Variants in CORO1C observed in about 807,000 individuals in gnomAD.
CORO1C encodes coronin 1C, also known as coronin-1C.
In CORO1C, 14 loss-of-function variants were observed where a neutral mutation model predicts 51.2. The observed-to-expected ratio is 0.27, with a 90% CI of 0.18 to 0.43. The LOEUF is 0.43. Ranked by LOEUF, CORO1C falls within the 20% of genes least tolerant of loss-of-function variation. The pLI, the probability that CORO1C is intolerant of heterozygous loss-of-function variation, is 1.00. For missense variants in CORO1C, 417 were observed against 607.8 expected (o/e 0.69, Z 3.30); for synonymous variants, 181 against 210.5 (o/e 0.86, Z 1.21).
In CORO1C at chr12:108,648,630, T is replaced by C. The variant is rs1161699910; in HGVS notation, c.1280A>G (p.Lys427Arg). The C allele has an allele frequency of 1.2e-6, 2 of 1,614,226 alleles. No individual in the cohort carries two copies. Among genetic ancestry groups the C allele is most frequent in the South Asian group, 1.1e-5 (1 of 91,090 alleles). ...NKKCDLISIP[K>R]KTTDTASVQN... is the part of the protein sequence containing the mutation. The stretch of plus-strand genomic sequence containing the variant: ...CACACTGGCCGTGTCTGTGGTTTTC[T>C]TGGGGATGCTGATCAGGTCGCACTT... The change falls in exon 10 of 11, where the codon AAG becomes AGG. Residue 427 changes from lysine (K) to arginine (R), a missense_variant. Transcript: ENST00000261401.
chr12:108,668,709 A>C, intron 3 of CORO1C, among the ~76,000 whole-genome samples: 1 of 152,154 alleles, frequency 6.6e-6, no homozygotes, highest in Non-Finnish European at 1.5e-5. Flanking sequence ...CAACTCCCAG[A>C]CTCTGGAAGG....
Position 108,645,842 on chromosome 12 carries a change from C to T in CORO1C, c.*1561G>A, listed in dbSNP as rs1438468716. ...TGGCACTACACATTTCACGTTCAAT[C>T]ACAGACAGCCCTTCCAAAACAGAGG... On this transcript the variant is annotated 3_prime_UTR_variant, in exon 11 of 11. Transcript: ENST00000261401. 6.6e-6 allele frequency: 1 copy of T among 152,240 alleles called. No homozygotes were observed. The highest frequency in any genetic ancestry group is 1.5e-5 in the Non-Finnish European group (1 of 68,054). 9.4% of individuals were successfully genotyped at this position (152,240 alleles called of 1,614,324 possible).
chr12:108,721,230 C>T (rs1565940486), intron 1 of CORO1C, among the ~76,000 whole-genome samples: 1 of 152,238 alleles, frequency 6.6e-6, no homozygotes, highest in Non-Finnish European at 1.5e-5. Context: ...TTTACTCTAA[C>T]ATATTGTATA....
intron 2 of CORO1C, among the ~76,000 whole-genome samples, chr12:108,700,302 C>T (rs1035305994): frequency 3.9e-5 from 6 of 152,190 alleles, no homozygotes; most frequent in Admixed American, 3.9e-4. Context: ...TAGAAAACAA[C>T]TGTTTCTAGG....
intron 1 of CORO1C, chr12:108,730,407 C>A (rs1318514555): frequency 6.6e-6 from 1 of 152,462 alleles, no homozygotes; most frequent in South Asian, 2.1e-4. Context: ...GCTCTCACCG[C>A]AGCCTGCCAC....
intron 7 of CORO1C, 100 bp from the exon 8 acceptor site, chr12:108,652,517 C>T: frequency 1.1e-6 from 1 of 884,248 alleles, no homozygotes; most frequent in Non-Finnish European, 1.8e-6. Context: ...TAGTTGGGAC[C>T]CCGCTTCAGT....
chr12:108,720,681 G>A lies in CORO1C; in HGVS notation c.-6+10748C>T, dbSNP rs377338244. Among the ~76,000 whole-genome samples, 12 of 151,786 alleles carry A rather than the reference G, an allele frequency of 7.9e-5. No homozygotes were observed. In the East Asian group the frequency reaches 1.4e-3, roughly 17 times the overall value. Reference sequence around the variant, plus strand: ...TGGGACTACAGGCGCCCGCCACCACGCCCGGCTAATTTTTTGTATTTTTAG... The same window carrying A: ...TGGGACTACAGGCGCCCGCCACCACACCCGGCTAATTTTTTGTATTTTTAG... On this transcript the variant is annotated intron_variant, in intron 1 of 10. Transcript: ENST00000261401.
At chr12:108,703,028 A>C in intron 1 of CORO1C, 1 of 1,310,376 alleles carries the variant, frequency 7.6e-7, no homozygotes, top group Non-Finnish European at 1.0e-6. Context: ...AATACTTCTC[A>C]AGCGTGAGTT....
intron 3 of CORO1C, among the ~76,000 whole-genome samples, chr12:108,666,573 C>A (rs867792128): frequency 2.0e-5 from 3 of 152,138 alleles, no homozygotes; most frequent in Non-Finnish European, 2.9e-5. Flanking sequence ...ATGGCCTGCT[C>A]GGTTTGGACT....
intron 1 of CORO1C, among the ~76,000 whole-genome samples, chr12:108,727,555 G>A (rs1317510876): frequency 6.6e-6 from 1 of 152,142 alleles, no homozygotes; most frequent in Non-Finnish European, 1.5e-5. Context: ...GTCACCAGAG[G>A]ATTTGAACAG....
intron 3 of CORO1C, among the ~76,000 whole-genome samples, chr12:108,671,351 G>T (rs1248884851): frequency 6.6e-6 from 1 of 151,766 alleles, no homozygotes; most frequent in African/African-American, 2.4e-5. Context: ...GGAGTGGGGG[G>T]AGGAAAAGAA....
intron 3 of CORO1C, among the ~76,000 whole-genome samples, chr12:108,666,003 A>AC (rs2033461121): frequency 6.6e-6 from 1 of 152,216 alleles, no homozygotes; most frequent in African/African-American, 2.4e-5. Flanking sequence ...GCACAGTGCA[A>AC]CCAATGCTAT....
At chr12:108,712,678 C>T (rs1417646618) in intron 1 of CORO1C, among the ~76,000 whole-genome samples, 1 of 150,026 alleles carries the variant, frequency 6.7e-6, no homozygotes, top group Non-Finnish European at 1.5e-5. Context: ...ATAGGAGGTA[C>T]TCTGATTAAA....
intron 1 of CORO1C, among the ~76,000 whole-genome samples, chr12:108,705,872 C>T (rs2035014600): frequency 6.6e-6 from 1 of 152,030 alleles, no homozygotes; most frequent in Non-Finnish European, 1.5e-5. Context: ...AAAAAAATCA[C>T]ACAATTATCT....
At chr12:108,660,962 G>GC (rs1346596308) in intron 4 of CORO1C, among the ~76,000 whole-genome samples, 19 of 152,210 alleles carry the variant, frequency 1.2e-4, no homozygotes, top group Admixed American at 3.3e-4. Context: ...AAACTGAACT[G>GC]CCCCTCCTCC....
chr12:108,650,869 T>C lies in CORO1C; in HGVS notation c.1001+1403A>G, dbSNP rs137939419. The stretch of plus-strand genomic sequence containing the variant: ...TATTTTGAACCATATTTTGATTAGT[T>C]TGGTTTAAACCACAATTTTCAATTA... On this transcript the variant is annotated intron_variant, in intron 8 of 10. Coordinates refer to ENST00000261401, the MANE Select transcript of CORO1C (RefSeq NM_014325.4). Among the ~76,000 whole-genome samples the C allele has an allele frequency of 3.9e-4, 59 of 152,382 alleles. No individual in the cohort carries two copies. The East Asian group carries it at 5.8e-3, about 15-fold the overall frequency.
chr12:108,706,182 G>GA (rs1592934134), intron 1 of CORO1C, among the ~76,000 whole-genome samples: 1 of 67,034 alleles, frequency 1.5e-5, no homozygotes, highest in East Asian at 1.9e-3. Flanking sequence ...GTGAGACTCT[G>GA]AATCAAAAAA....
rs1592834729 is a variant in CORO1C, at chr12:108,646,995, AAAAG to A, written c.*404_*407del. On this transcript the variant is annotated 3_prime_UTR_variant, in exon 11 of 11. Coordinates refer to ENST00000261401, the MANE Select transcript of CORO1C (RefSeq NM_014325.4). ...CTACTTTTGGTTTTGGCAACATTAA[AAAAG>A]AAAGAAATATAAAAAGCAATGTGGC... is the stretch of plus-strand genomic sequence containing the variant. 1.3e-5 allele frequency: 2 copies of A among 156,454 alleles called. No individual in the cohort carries two copies. The highest frequency in any genetic ancestry group is 2.0e-4 in the South Asian group (1 of 4,890). 9.7% of individuals were successfully genotyped at this position (156,454 alleles called of 1,614,324 possible). A position where few individuals can be genotyped will look rare whatever the true frequency, so the allele number is the denominator to read the frequency against.
intron 6 of CORO1C, 57 bp from the exon 7 acceptor site, chr12:108,654,467 A>T: frequency 1.1e-6 from 1 of 951,690 alleles, no homozygotes; most frequent in East Asian, 2.6e-5. Context: ...TTTTAAAAAT[A>T]AATTTTTATA....
Sources: gnomAD v4.1 joint callset for allele counts (sites outside exome capture counted in the v4.1 genomes callset) on GRCh38, gnomAD v4.1.1 for gene constraint, MANE v1.5 for transcripts, NCBI Gene and HGNC (gene_info 2026-07-23, HGNC 2026-07-21) for gene names.